Variants in RBMS3 observed in about 807,000 individuals in gnomAD.
RBMS3 encodes RNA binding motif single stranded interacting protein 3, also known as RNA-binding motif, single-stranded-interacting protein 3.
In RBMS3, 27 loss-of-function variants were observed where a neutral mutation model predicts 66.8. The ratio of observed to expected loss-of-function variants is 0.40; its 90% CI spans 0.30 to 0.56. The LOEUF (loss-of-function observed/expected upper bound fraction) is 0.56. RBMS3 is among the 20% of genes least tolerant of loss of function. RBMS3 has a pLI of 0.40. For missense variants in RBMS3, 513 were observed against 549.5 expected, an observed-to-expected ratio of 0.93 and a Z score of 0.66; for synonymous variants, 188 against 183.0, an observed-to-expected ratio of 1.03 and a Z score of -0.22.
chr3:29,485,108 A>T (rs1315370035), intron 2 of RBMS3, among the ~76,000 whole-genome samples: 2 of 152,212 alleles, frequency 1.3e-5, no homozygotes, highest in African/African-American at 4.8e-5. Flanking sequence ...AGCTTTGAAA[A>T]TAAAAGATGC....
At chr3:29,956,208 A>G (rs1198867754) in intron 12 of RBMS3, among the ~76,000 whole-genome samples, 1 of 152,024 alleles carries the variant, frequency 6.6e-6, no homozygotes, top group Non-Finnish European at 1.5e-5. Flanking sequence ...AGATGTGTTT[A>G]ATGGTGAGTG....
At chr3:29,744,856 G>T (rs2054813950) in intron 5 of RBMS3, among the ~76,000 whole-genome samples, 1 of 150,832 alleles carries the variant, frequency 6.6e-6, no homozygotes, top group South Asian at 2.1e-4. Context: ...GTAAATTGTT[G>T]TACATATCTC....
chr3:29,818,790 G>C (rs2057991664), intron 6 of RBMS3, among the ~76,000 whole-genome samples: 2 of 151,948 alleles, frequency 1.3e-5, no homozygotes, highest in Admixed American at 1.3e-4. Flanking sequence ...TATATAATGT[G>C]ACTCCTTATT....
At chr3:29,981,653 G>A (rs189482910) in intron 12 of RBMS3, among the ~76,000 whole-genome samples, 24 of 152,194 alleles carry the variant, frequency 1.6e-4, no homozygotes, top group Non-Finnish European at 2.6e-4. Flanking sequence ...ATTGAATTTT[G>A]TTGAAGGCCT....
chr3:29,786,495 G>A (rs2056824175), intron 6 of RBMS3, among the ~76,000 whole-genome samples: 2 of 152,124 alleles, frequency 1.3e-5, no homozygotes, highest in East Asian at 3.9e-4. Flanking sequence ...ATAAAAATAG[G>A]CGCATAGACC....
At chr3:29,360,556 A>G (rs1266300808) in intron 1 of RBMS3, among the ~76,000 whole-genome samples, 2 of 152,004 alleles carry the variant, frequency 1.3e-5, no homozygotes, top group African/African-American at 4.8e-5. Flanking sequence ...GTAGATGTCT[A>G]TTAGGTCTGC....
At chr3:29,659,731 G>T (rs189612219) in intron 4 of RBMS3, among the ~76,000 whole-genome samples, 204 of 151,600 alleles carry the variant, frequency 1.3e-3, no homozygotes, top group South Asian at 2.9e-3. Context: ...CGATTTTGGT[G>T]GGGGGGTGGT....
chr3:29,683,498 T>C lies in RBMS3; in HGVS notation c.400-56222T>C, dbSNP rs1023031630. Among the ~76,000 whole-genome samples, 7 of 152,206 alleles carry C rather than the reference T, an allele frequency of 4.6e-5. No homozygotes were observed. The East Asian group carries it at 1.4e-3, about 29-fold the overall frequency. ...TGAAGGCAAAGAGAAAAAACAACTT[T>C]AGGAAAGTGTGAAGTTTAAGGAGAC... On this transcript the variant is annotated intron_variant, in intron 4 of 14. Transcript: ENST00000383767.
chr3:29,750,318 G>A (rs557200331), intron 5 of RBMS3, among the ~76,000 whole-genome samples: 4 of 152,154 alleles, frequency 2.6e-5, no homozygotes, highest in Admixed American at 1.3e-4. Context: ...TATAAATAAC[G>A]TTTTGAGAAG....
Position 30,007,987 on chromosome 3 carries a change from T to A in RBMS3, c.*4125T>A, listed in dbSNP as rs1227937784. 6.6e-6 allele frequency: 1 copy of A among 152,016 alleles called. No individual in the cohort carries two copies. The highest frequency in any genetic ancestry group is 2.4e-5 in the African/African-American group (1 of 41,398). 9.4% of individuals were successfully genotyped at this position (152,016 alleles called of 1,614,324 possible). On this transcript the variant is annotated 3_prime_UTR_variant, in exon 15 of 15. Transcript: ENST00000383767. Reference sequence around the variant, plus strand: ...GTTTAAAGCAGGAATTTCACTTTATTTTACTATGCCTAAAAATACATCTTT... The same window carrying A: ...GTTTAAAGCAGGAATTTCACTTTATATTACTATGCCTAAAAATACATCTTT...
At chr3:29,803,008 G>C (rs1375980899) in intron 6 of RBMS3, among the ~76,000 whole-genome samples, 1 of 152,110 alleles carries the variant, frequency 6.6e-6, no homozygotes, top group Admixed American at 6.6e-5. Context: ...AAAATGGGAC[G>C]AACGGCTTTA....
At chr3:29,577,537 C>G (rs1409339590) in intron 3 of RBMS3, among the ~76,000 whole-genome samples, 1 of 152,150 alleles carries the variant, frequency 6.6e-6, no homozygotes, top group Non-Finnish European at 1.5e-5. Flanking sequence ...ACCTAGGTCC[C>G]CAGAGCACTT....
At chr3:29,437,199 A>G (rs1297836172) in intron 2 of RBMS3, among the ~76,000 whole-genome samples, 1 of 152,204 alleles carries the variant, frequency 6.6e-6, no homozygotes, top group Non-Finnish European at 1.5e-5. Context: ...AGTATTTATA[A>G]CACAGGAATC....
At chr3:29,476,512 A>G (rs76183101) in intron 2 of RBMS3, among the ~76,000 whole-genome samples, 5,035 of 152,298 alleles carry the variant, frequency 0.033, 120 homozygotes, top group African/African-American at 0.057. Flanking sequence ...AGACTGGACA[A>G]TGGGCTCCCT....
At chr3:29,690,598 T>G (rs1286762742) in intron 4 of RBMS3, among the ~76,000 whole-genome samples, 1 of 152,260 alleles carries the variant, frequency 6.6e-6, no homozygotes, top group African/African-American at 2.4e-5. Context: ...ATTCAAGTGC[T>G]AAATTGAATC....
At chr3:29,395,000 T>C (rs2039481274) in intron 1 of RBMS3, among the ~76,000 whole-genome samples, 1 of 152,190 alleles carries the variant, frequency 6.6e-6, no homozygotes, top group African/African-American at 2.4e-5. Flanking sequence ...ATTTACAAAC[T>C]GCCTCTCTGG....
At chr3:29,314,867 T>C (rs536718709) in intron 1 of RBMS3, among the ~76,000 whole-genome samples, 1 of 151,908 alleles carries the variant, frequency 6.6e-6, no homozygotes, top group East Asian at 1.9e-4. Context: ...AAAAATGTCA[T>C]GTGCCTTTGC....
chr3:29,361,877 G>A (rs1225962447), intron 1 of RBMS3, among the ~76,000 whole-genome samples: 1 of 152,002 alleles, frequency 6.6e-6, no homozygotes. Flanking sequence ...CTTAGTTCTC[G>A]TGCCATGGTT....
At chr3:29,720,044 C>A (rs1357300343) in intron 4 of RBMS3, among the ~76,000 whole-genome samples, 1 of 151,996 alleles carries the variant, frequency 6.6e-6, no homozygotes, top group Non-Finnish European at 1.5e-5. Flanking sequence ...CCACATGGCC[C>A]ACAAGGCCCT....
Sources: allele counts gnomAD v4.1 joint callset (sites outside exome capture counted in the v4.1 genomes callset), GRCh38; gene constraint gnomAD v4.1.1; transcripts MANE v1.5; gene names NCBI Gene and HGNC (gene_info 2026-07-23, HGNC 2026-07-21).